The following TENM4 variants were observed in gnomAD, a reference collection of about 807,000 sequenced individuals.
TENM4 encodes the protein teneurin transmembrane protein 4, also known as teneurin-4.
In TENM4, 82 loss-of-function variants were observed where a neutral mutation model predicts 243.3. The ratio of observed to expected loss-of-function variants is 0.34; its 90% CI spans 0.28 to 0.40. TENM4 has a LOEUF of 0.40. Ranked by LOEUF, TENM4 falls within the 10% of genes least tolerant of loss-of-function variation. TENM4 has a pLI of 1.00. For synonymous variants in TENM4, 1,412 were observed against 1,456.3 expected, an observed-to-expected ratio of 0.97 and a Z score of 0.69; for missense variants, 3,138 against 3,673.3, an observed-to-expected ratio of 0.85 and a Z score of 3.77.
intron 1 of TENM4, among the ~76,000 whole-genome samples, chr11:79,385,999 CA>C (rs1858104455): frequency 6.6e-6 from 1 of 152,148 alleles, no homozygotes; most frequent in African/African-American, 2.4e-5. Flanking sequence ...TAGATTGTTC[CA>C]AAATCATTTA....
chr11:79,046,041 C>T (rs1011388484), intron 6 of TENM4, among the ~76,000 whole-genome samples: 5 of 152,244 alleles, frequency 3.3e-5, no homozygotes, highest in East Asian at 3.9e-4. Context: ...CACTCTTACA[C>T]GTGCATTCCC....
intron 1 of TENM4, among the ~76,000 whole-genome samples, chr11:79,320,923 G>A (rs1284283185): frequency 6.6e-6 from 1 of 152,184 alleles, no homozygotes; most frequent in Non-Finnish European, 1.5e-5. Flanking sequence ...AGGTGTCTCT[G>A]CATAAATGCT....
At chr11:79,006,324 G>A (rs1858484608) in intron 6 of TENM4, among the ~76,000 whole-genome samples, 1 of 152,120 alleles carries the variant, frequency 6.6e-6, no homozygotes. Context: ...GATGGTCAGT[G>A]TCAGAAACTA....
At chr11:78,871,845 TGAA>T (rs1859138995) in intron 9 of TENM4, among the ~76,000 whole-genome samples, 1 of 151,912 alleles carries the variant, frequency 6.6e-6, no homozygotes, top group African/African-American at 2.4e-5. Flanking sequence ...TCCAAAGGGG[TGAA>T]GAAGAAAGCA....
chr11:79,395,459 C>T (rs1269633699), intron 1 of TENM4, among the ~76,000 whole-genome samples: 2 of 152,206 alleles, frequency 1.3e-5, no homozygotes, highest in Non-Finnish European at 2.9e-5. Context: ...ACCAGGAACA[C>T]ATTCCTGAAG....
At chr11:79,002,098 A>C (rs1282143013) in intron 6 of TENM4, among the ~76,000 whole-genome samples, 5 of 132,072 alleles carry the variant, frequency 3.8e-5, no homozygotes, top group South Asian at 2.7e-4. Context: ...TGCCATCCCC[A>C]CCCCCCCACT....
In TENM4 at chr11:79,191,725, G is replaced by A. The variant is rs564332716; in HGVS notation, c.-163+24083C>T. On this transcript the variant is annotated intron_variant, in intron 3 of 33. Coordinates refer to ENST00000278550, the MANE Select transcript of TENM4 (RefSeq NM_001098816.3). ...GCCCATCGTCTGAGATGTGGGGAGCGCCTCTGCCCCGCCGCCCCATCTGGG... is the reference window on the plus strand; with the variant it reads ...GCCCATCGTCTGAGATGTGGGGAGCACCTCTGCCCCGCCGCCCCATCTGGG... The A allele has an allele frequency of 5.7e-4, 104 of 182,888 alleles. No individual in the cohort carries two copies. In the Middle Eastern group the frequency reaches 0.011, roughly 20 times the overall value. The allele number at this position is 182,888 out of a possible 1,614,324, so 11.3% of individuals were successfully genotyped here.
chr11:79,199,064 AG>A (rs1280969828), intron 3 of TENM4, among the ~76,000 whole-genome samples: 1 of 152,100 alleles, frequency 6.6e-6, no homozygotes, highest in African/African-American at 2.4e-5. Flanking sequence ...GAGCAAAGAG[AG>A]GGGGAAGAAT....
chr11:78,735,563 C>T (rs1855767292), intron 20 of TENM4, among the ~76,000 whole-genome samples: 2 of 152,178 alleles, frequency 1.3e-5, no homozygotes, highest in East Asian at 1.9e-4. Flanking sequence ...GGGCTAGGCC[C>T]GCTCCTCTGG....
chr11:78,666,884 C>CA (rs1217507245), intron 32 of TENM4, among the ~76,000 whole-genome samples: 1 of 152,058 alleles, frequency 6.6e-6, no homozygotes. Context: ...GGAAGGAGAC[C>CA]ATATGTATAT....
intron 29 of TENM4, among the ~76,000 whole-genome samples, chr11:78,684,695 C>T (rs1858622905): frequency 6.6e-6 from 1 of 152,194 alleles, no homozygotes; most frequent in Admixed American, 6.5e-5. Context: ...GTGACTGGGG[C>T]AAGCTACCTA....
At chr11:79,195,385 C>A (rs1010732935) in intron 3 of TENM4, among the ~76,000 whole-genome samples, 1 of 152,140 alleles carries the variant, frequency 6.6e-6, no homozygotes, top group African/African-American at 2.4e-5. Context: ...CACCGTGCAC[C>A]TGCAAAAGCC....
chr11:79,042,835 T>C (rs1859570661), intron 6 of TENM4, among the ~76,000 whole-genome samples: 1 of 152,214 alleles, frequency 6.6e-6, no homozygotes, highest in African/African-American at 2.4e-5. Context: ...AATCTGTCTC[T>C]ATCTCTCCTC....
intron 6 of TENM4, among the ~76,000 whole-genome samples, chr11:79,013,047 GA>G (rs1292788655): frequency 8.5e-5 from 13 of 152,202 alleles, no homozygotes; most frequent in African/African-American, 3.1e-4. Context: ...ACACGAACAA[GA>G]TTTATGCAGT....
chr11:78,767,334 T>C (rs1359407234), intron 18 of TENM4, among the ~76,000 whole-genome samples: 1 of 152,260 alleles, frequency 6.6e-6, no homozygotes, highest in Non-Finnish European at 1.5e-5. Flanking sequence ...GGATGCACAA[T>C]TGCTTTGCAA....
rs1858242384 is a variant in TENM4, at chr11:78,669,130, G to A, written c.7215C>T (p.Gly2405=). 1.9e-6 allele frequency: 3 copies of A among 1,613,728 alleles called. No individual in the cohort carries two copies. The highest frequency in any genetic ancestry group is 2.5e-6 in the Non-Finnish European group (3 of 1,179,762). Residue 2405 remains glycine (G), a synonymous_variant, in exon 32 of 34, where the codon GGC becomes GGT. Transcript: ENST00000278550. This position sits in a 1 kb window ranked among gnomAD's most constrained non-coding sequence, Gnocchi z 6.4. The part of the protein sequence containing the change: ...NFQIIIGYHG[G]LYDPLTKLVH... ...CAAGCTTGGTGAGTGGATCATAGAG[G>A]CCACCATGGTAGCCTATGATGATCT...
At chr11:79,318,527 A>G (rs762289463) in intron 1 of TENM4, among the ~76,000 whole-genome samples, 3 of 152,190 alleles carry the variant, frequency 2.0e-5, no homozygotes, top group Non-Finnish European at 4.4e-5. Context: ...AAATACTCCA[A>G]CCATGGCTGG....
chr11:79,281,382 A>T (rs1201060010), intron 2 of TENM4, among the ~76,000 whole-genome samples: 1 of 152,120 alleles, frequency 6.6e-6, no homozygotes, highest in Non-Finnish European at 1.5e-5. Context: ...TGATAGTCTT[A>T]TTTTCATAAG....
At chr11:79,241,473 A>T (rs1437911700) in intron 2 of TENM4, among the ~76,000 whole-genome samples, 1 of 152,142 alleles carries the variant, frequency 6.6e-6, no homozygotes, top group African/African-American at 2.4e-5. Flanking sequence ...GACCCCGATG[A>T]GACCATCAGG....
Sources: allele counts gnomAD v4.1 joint callset (sites outside exome capture counted in the v4.1 genomes callset), GRCh38; gene constraint gnomAD v4.1.1; non-coding constraint Gnocchi (gnomAD v3.1); transcripts MANE v1.5; gene names NCBI Gene and HGNC (gene_info 2026-07-23, HGNC 2026-07-21).